The following PLEKHA6 variants were observed in gnomAD, a reference collection of about 807,000 sequenced individuals.
PLEKHA6 encodes pleckstrin homology domain-containing family A member 6.
Under a neutral mutation model 116.7 loss-of-function variants are expected in PLEKHA6, and 60 were observed. The observed-to-expected ratio is 0.51, with a 90% CI of 0.42 to 0.64. PLEKHA6 has a LOEUF of 0.64. Ranked by LOEUF, PLEKHA6 falls within the 30% of genes least tolerant of loss-of-function variation. The pLI is 0.00. For missense variants in PLEKHA6, 1,338 were observed against 1,422.7 expected (o/e 0.94, Z 0.96); for synonymous variants, 489 against 556.1 (o/e 0.88, Z 1.70).
chr1:204,273,330 T>C (rs890480869), intron 3 of PLEKHA6, among the ~76,000 whole-genome samples: 2 of 152,212 alleles, frequency 1.3e-5, no homozygotes, highest in Non-Finnish European at 2.9e-5. Flanking sequence ...CCAGGGATGC[T>C]GCTCAACATC....
At chr1:204,334,370 T>C (rs957379605) in intron 1 of PLEKHA6, among the ~76,000 whole-genome samples, 20 of 152,222 alleles carry the variant, frequency 1.3e-4, no homozygotes, top group Non-Finnish European at 2.8e-4. Flanking sequence ...ACAACTTTCC[T>C]AATTACCTAT....
At chr1:204,275,203 A>T (rs1402143091) in intron 1 of PLEKHA6, among the ~76,000 whole-genome samples, 1 of 151,378 alleles carries the variant, frequency 6.6e-6, no homozygotes, top group African/African-American at 2.4e-5. Flanking sequence ...TGAGCCACAT[A>T]AAAAAAAAGC....
chr1:204,330,217 T>C (rs1672398327), intron 1 of PLEKHA6, among the ~76,000 whole-genome samples: 3 of 152,194 alleles, frequency 2.0e-5, no homozygotes, highest in African/African-American at 7.2e-5. Context: ...CAGGCTGGTC[T>C]GAAACTCCTG....
chr1:204,322,226 C>G (rs1032896343), intron 1 of PLEKHA6, among the ~76,000 whole-genome samples: 16 of 152,184 alleles, frequency 1.1e-4, no homozygotes, highest in Non-Finnish European at 1.6e-4. Flanking sequence ...AACCCGCCCC[C>G]CTACACACAC....
At chr1:204,291,807 G>A (rs539460868) in intron 1 of PLEKHA6, among the ~76,000 whole-genome samples, 1 of 152,340 alleles carries the variant, frequency 6.6e-6, no homozygotes, top group Non-Finnish European at 1.5e-5. Context: ...GAGGCAGGAA[G>A]AAACTGGGGA....
chr1:204,250,765 A>AGG (rs2102662749), intron 9 of PLEKHA6, 151 bp from the exon 10 acceptor site: 1 of 689,478 alleles, frequency 1.5e-6, no homozygotes, highest in Non-Finnish European at 2.6e-6. Context: ...AGCTCATTCC[A>AGG]CATCCCCTGG....
intron 1 of PLEKHA6, among the ~76,000 whole-genome samples, chr1:204,314,536 C>T (rs189099497): frequency 7.9e-5 from 12 of 152,300 alleles, no homozygotes; most frequent in African/African-American, 2.9e-4. Context: ...GATGGTCTAA[C>T]CAAGGAGACT....
chr1:204,294,948 C>A (rs1223241732), intron 1 of PLEKHA6, among the ~76,000 whole-genome samples: 1 of 152,182 alleles, frequency 6.6e-6, no homozygotes, highest in African/African-American at 2.4e-5. Context: ...GATTATAAAA[C>A]CCCTCACCAC....
chr1:204,301,509 T>G lies in PLEKHA6; in HGVS notation c.-94-26700A>C, dbSNP rs941817362. ...CAAACACGCCACCCAAGTCCCCACC[T>G]CATTGGGCTTCCAGCCCTCTCTCCA... On this transcript the variant is annotated intron_variant, in intron 1 of 22. Coordinates refer to ENST00000272203, the MANE Select transcript of PLEKHA6 (RefSeq NM_014935.5). The G allele has an allele frequency of 3.1e-6, 3 of 982,264 alleles. No individual in the cohort carries two copies. In the African/African-American group the frequency reaches 5.2e-5, roughly 17 times the overall value. 60.8% of individuals were successfully genotyped at this position (982,264 alleles called of 1,614,324 possible).
intron 1 of PLEKHA6, among the ~76,000 whole-genome samples, chr1:204,298,246 C>A (rs974785276): frequency 6.6e-6 from 1 of 152,232 alleles, no homozygotes; most frequent in Admixed American, 6.5e-5. Flanking sequence ...GGGCCTGAGT[C>A]TTCCTTGTGA....
intron 1 of PLEKHA6, chr1:204,297,051 T>A: frequency 1.3e-5 from 12 of 949,928 alleles, no homozygotes; most frequent in Non-Finnish European, 1.5e-5. Flanking sequence ...CCCTGCAGAT[T>A]TCTTTTTTTA....
At chr1:204,341,840 A>G (rs907198770) in intron 1 of PLEKHA6, among the ~76,000 whole-genome samples, 1 of 152,260 alleles carries the variant, frequency 6.6e-6, no homozygotes, top group African/African-American at 2.4e-5. Flanking sequence ...CATGAGCTCA[A>G]GAGTATGTTA....
Position 204,223,520 on chromosome 1 carries a change from A to G in PLEKHA6, c.3097T>C (p.Ser1033Pro). ...ASPAPPANPL[S>P]SESPRGADSS... is the part of the protein sequence containing the mutation. ...TCGGCGCCCCGTGGGGATTCAGACG[A>G]CAGGGGGTTTGCTGGAGGAGCCGGG... The change falls in exon 22 of 23, where the codon TCG (serine) becomes CCG (proline). Residue 1033 changes from serine to proline, a missense_variant. By Grantham distance (74) the Ser-to-Pro change is moderately conservative. Coordinates refer to ENST00000272203, the MANE Select transcript of PLEKHA6 (RefSeq NM_014935.5). This position sits in a 1 kb window ranked among gnomAD's most constrained non-coding sequence, Gnocchi z 4.8. 1 of 1,549,696 alleles carries G rather than the reference A, an allele frequency of 6.5e-7. No individual in the cohort carries two copies. Among genetic ancestry groups the G allele is most frequent in the Non-Finnish European group, 8.7e-7 (1 of 1,145,906 alleles).
chr1:204,356,061 T>C (rs79945947), intron 1 of PLEKHA6, among the ~76,000 whole-genome samples: 1 of 152,000 alleles, frequency 6.6e-6, no homozygotes, highest in Non-Finnish European at 1.5e-5. Flanking sequence ...TTGAACGAGG[T>C]ATTTGGCAAA....
chr1:204,245,870 A>C, intron 13 of PLEKHA6, 144 bp from the exon 14 acceptor site: 1 of 588,462 alleles, frequency 1.7e-6, no homozygotes. Flanking sequence ...ACACACACAC[A>C]CACACACATG....
intron 1 of PLEKHA6, among the ~76,000 whole-genome samples, chr1:204,336,542 C>T (rs1202871446): frequency 6.6e-6 from 1 of 151,846 alleles, no homozygotes; most frequent in African/African-American, 2.4e-5. Context: ...CAGGGCAGAC[C>T]TCCTGAAAGA....
intron 1 of PLEKHA6, among the ~76,000 whole-genome samples, chr1:204,320,856 C>T (rs1429330214): frequency 6.6e-6 from 1 of 152,166 alleles, no homozygotes; most frequent in Non-Finnish European, 1.5e-5. Context: ...AGAATAATGC[C>T]ATTACATTCT....
chr1:204,373,429 A>C (rs1673813094), intron 1 of PLEKHA6, among the ~76,000 whole-genome samples: 1 of 152,040 alleles, frequency 6.6e-6, no homozygotes, highest in Non-Finnish European at 1.5e-5. Context: ...TATGTTGCCC[A>C]GGTTGGTTAC....
chr1:204,339,038 G>A (rs1672754992), intron 1 of PLEKHA6, among the ~76,000 whole-genome samples: 1 of 152,198 alleles, frequency 6.6e-6, no homozygotes, highest in African/African-American at 2.4e-5. Flanking sequence ...TAGGGCATAA[G>A]AAGTCTTGCA....
Sources: gnomAD v4.1 joint callset for allele counts (sites outside exome capture counted in the v4.1 genomes callset) on GRCh38, gnomAD v4.1.1 for gene constraint, Gnocchi (gnomAD v3.1) non-coding constraint, MANE v1.5 for transcripts, NCBI Gene and HGNC (gene_info 2026-07-23, HGNC 2026-07-21) for gene names.